Variants in INPP4B observed in about 807,000 individuals in gnomAD.
INPP4B encodes the protein inositol polyphosphate 4-phosphatase type II.
In INPP4B, 55 loss-of-function variants were observed where a neutral mutation model predicts 122.5. That is an observed-to-expected ratio of 0.45 (90% CI 0.36 to 0.56). The LOEUF (loss-of-function observed/expected upper bound fraction) is 0.56. INPP4B is among the 20% of genes least tolerant of loss of function. The pLI, the probability that INPP4B is intolerant of heterozygous loss-of-function variation, is 0.00. For synonymous variants in INPP4B, 403 were observed against 388.7 expected, an observed-to-expected ratio of 1.04 and a Z score of -0.43; for missense variants, 1,000 against 1,097.7, an observed-to-expected ratio of 0.91 and a Z score of 1.26.
chr4:142,775,045 T>A lies in INPP4B; in HGVS notation c.-253-49144A>T, dbSNP rs1773645160. 2.6e-5 allele frequency among the ~76,000 whole-genome samples: 4 copies of A among 152,088 alleles called. 1 individual carries two copies. Among genetic ancestry groups the A allele is most frequent in the Admixed American group, 2.6e-4 (4 of 15,256 alleles). ...GGTCAAGTATTTTGTAGAATGTCTT[T>A]CAACAGAAATTTGTCTGATGATTTT... On this transcript the variant is annotated intron_variant, in intron 1 of 25. Coordinates refer to ENST00000262992, the MANE Select transcript of INPP4B (RefSeq NM_001101669.3).
intron 14 of INPP4B, among the ~76,000 whole-genome samples, chr4:142,204,740 G>A (rs1317320967): frequency 6.6e-6 from 1 of 152,036 alleles, no homozygotes; most frequent in Non-Finnish European, 1.5e-5. Flanking sequence ...GAGGACAGGT[G>A]TGTTACATTA....
chr4:142,157,373 T>C (rs1174799556), intron 17 of INPP4B, among the ~76,000 whole-genome samples: 1 of 152,192 alleles, frequency 6.6e-6, no homozygotes, highest in Non-Finnish European at 1.5e-5. Context: ...GAAAATGTTA[T>C]ATACCAAACA....
intron 2 of INPP4B, among the ~76,000 whole-genome samples, chr4:142,577,326 A>G (rs2150183469): frequency 6.6e-6 from 1 of 152,120 alleles, no homozygotes; most frequent in Middle Eastern, 3.4e-3. Flanking sequence ...ACATGAGATC[A>G]CTGATGACAG....
At chr4:142,139,101 G>T (rs1402165726) in intron 18 of INPP4B, among the ~76,000 whole-genome samples, 1 of 152,038 alleles carries the variant, frequency 6.6e-6, no homozygotes, top group Non-Finnish European at 1.5e-5. Flanking sequence ...TCATGTACTA[G>T]ACTGTAAGGA....
chr4:142,287,643 C>T (rs951490840), intron 9 of INPP4B: 1 of 152,136 alleles, frequency 6.6e-6, no homozygotes, highest in Non-Finnish European at 1.5e-5. Context: ...AACAGAAACC[C>T]TTAGCCTGGG....
chr4:142,160,227 G>A (rs933687636), intron 17 of INPP4B, 131 bp downstream of exon 17: 2 of 589,954 alleles, frequency 3.4e-6, no homozygotes, highest in Admixed American at 3.7e-5. Context: ...GAAAAATGTG[G>A]CCTATTTATC....
intron 2 of INPP4B, among the ~76,000 whole-genome samples, chr4:142,581,884 C>T (rs556575049): frequency 6.6e-6 from 1 of 152,028 alleles, no homozygotes; most frequent in South Asian, 2.1e-4. Flanking sequence ...TTAGAAAGTA[C>T]AAGAGGTAAT....
Position 142,498,130 on chromosome 4 carries a change from CATATATGTAT to C in INPP4B, c.-190-35414_-190-35405del, listed in dbSNP as rs1822858090. On this transcript the variant is annotated intron_variant, in intron 2 of 25. Coordinates refer to ENST00000262992, the MANE Select transcript of INPP4B (RefSeq NM_001101669.3). ...GTGTGTATATATATATACACACACA[CATATATGTAT>C]ACATACATATGTGTATACATATATA... Among the ~76,000 whole-genome samples the C allele has an allele frequency of 3.3e-5, 5 of 149,590 alleles. No individual in the cohort carries two copies. In the East Asian group the frequency reaches 9.9e-4, roughly 30 times the overall value.
intron 2 of INPP4B, among the ~76,000 whole-genome samples, chr4:142,636,404 A>T (rs1405152284): frequency 2.6e-5 from 4 of 152,156 alleles, no homozygotes; most frequent in Non-Finnish European, 4.4e-5. Flanking sequence ...ATTTTGAAAA[A>T]CTAAGGAAAA....
intron 2 of INPP4B, among the ~76,000 whole-genome samples, chr4:142,471,102 A>G (rs1176829581): frequency 2.0e-5 from 3 of 151,418 alleles, no homozygotes; most frequent in African/African-American, 7.4e-5. Flanking sequence ...CCATCTTACT[A>G]TTCTTTAACT....
In INPP4B at chr4:142,252,350, G is replaced by A. The variant is rs545851085; in HGVS notation, c.688+8142C>T. ...ACTACAGGCGCCCGCTACCACGCCC[G>A]GCTAATTTTTTGTATTTTTAGTAGA... On this transcript the variant is annotated intron_variant, in intron 11 of 25. Coordinates refer to ENST00000262992, the MANE Select transcript of INPP4B (RefSeq NM_001101669.3). Among the ~76,000 whole-genome samples the A allele has an allele frequency of 1.5e-3, 222 of 151,580 alleles. 6 individuals carry two copies. In the South Asian group the frequency reaches 0.044, roughly 30 times the overall value.
chr4:142,654,367 T>TTAAAAAAAAAAAAAAAA (rs766012808), intron 2 of INPP4B: 1 of 101,000 alleles, frequency 9.9e-6, no homozygotes, highest in Admixed American at 1.2e-4. Context: ...ACTTAAAGTA[T>TTAAAAAAAAAAAAAAAA]AAAAAAAAAA....
At chr4:142,507,638 G>A (rs558878023) in intron 2 of INPP4B, among the ~76,000 whole-genome samples, 1 of 152,036 alleles carries the variant, frequency 6.6e-6, no homozygotes, top group South Asian at 2.1e-4. Flanking sequence ...TCTCAGTTTG[G>A]GAAATGCATG....
chr4:142,689,281 C>T (rs75847217), intron 2 of INPP4B, among the ~76,000 whole-genome samples: 3,899 of 152,234 alleles, frequency 0.026, 61 homozygotes, highest in Middle Eastern at 0.092. Flanking sequence ...CACTCTTTAC[C>T]TCACCTTTAC....
At chr4:142,277,846 G>A (rs999559756) in intron 9 of INPP4B, among the ~76,000 whole-genome samples, 2 of 151,998 alleles carry the variant, frequency 1.3e-5, no homozygotes, top group African/African-American at 4.8e-5. Flanking sequence ...CTAATAGGTG[G>A]GAGTTAAGCT....
At chr4:142,193,252 C>CT in intron 14 of INPP4B, 57 bp from the exon 15 acceptor site, 2 of 995,432 alleles carry the variant, frequency 2.0e-6, no homozygotes, top group Non-Finnish European at 3.2e-6. Flanking sequence ...CTCCGTCATG[C>CT]TGTTTGCATT....
At chr4:142,107,249 C>G (rs1047018332) in intron 23 of INPP4B, among the ~76,000 whole-genome samples, 4 of 152,076 alleles carry the variant, frequency 2.6e-5, no homozygotes, top group Non-Finnish European at 5.9e-5. Context: ...CACTCTGCCA[C>G]CTGAGCTATT....
intron 18 of INPP4B, among the ~76,000 whole-genome samples, chr4:142,130,726 A>G (rs1800838362): frequency 6.6e-6 from 1 of 152,212 alleles, no homozygotes; most frequent in Non-Finnish European, 1.5e-5. Flanking sequence ...CCACTGAACT[A>G]TGATCCAAGG....
intron 2 of INPP4B, among the ~76,000 whole-genome samples, chr4:142,547,525 A>G (rs569335451): frequency 2.4e-4 from 37 of 152,210 alleles, no homozygotes; most frequent in Non-Finnish European, 4.3e-4. Context: ...AGTGTCCTTC[A>G]CCTTGTGGAT....
Sources: gnomAD v4.1 joint callset for allele counts (sites outside exome capture counted in the v4.1 genomes callset) on GRCh38, gnomAD v4.1.1 for gene constraint, MANE v1.5 for transcripts, NCBI Gene and HGNC (gene_info 2026-07-23, HGNC 2026-07-21) for gene names.